Variants in PIEZO1 observed in about 807,000 individuals in gnomAD.
PIEZO1 encodes piezo-type mechanosensitive ion channel component 1.
A neutral mutation model predicts 297.2 loss-of-function variants in PIEZO1; 296 were observed. The ratio of observed to expected loss-of-function variants is 1.00; its 90% confidence interval spans 0.91 to 1.10. The LOEUF (loss-of-function observed/expected upper bound fraction) is 1.10. Ranked by LOEUF, PIEZO1 falls within the 50% of genes least tolerant of loss-of-function variation. PIEZO1 has a pLI of 0.00. For missense variants in PIEZO1, 5,018 were observed against 3,455.5 expected (o/e 1.45, Z -11.34); for synonymous variants, 2,427 against 1,507.5 (o/e 1.61, Z -14.13).
chr16:88,740,559 T>C (rs1016582097), intron 5 of PIEZO1: 5 of 152,384 alleles, frequency 3.3e-5, no homozygotes, highest in African/African-American at 1.2e-4. Flanking sequence ...CGTTCCCACT[T>C]CTGAAATGCG....
intron 2 of PIEZO1, chr16:88,743,634 G>C (rs1314491887): frequency 2.2e-6 from 1 of 456,598 alleles, no homozygotes; most frequent in East Asian, 7.0e-5. Flanking sequence ...CTCGGGATTG[G>C]CCTTGGACAC....
intron 1 of PIEZO1, among the ~76,000 whole-genome samples, chr16:88,783,153 G>T (rs922456484): frequency 1.3e-5 from 2 of 152,140 alleles, no homozygotes; most frequent in African/African-American, 4.8e-5. Flanking sequence ...GAGGCCAAAA[G>T]CAAGAAGAAC....
At position 88,722,886 on chromosome 16, in the gene PIEZO1, C is replaced by T. The variant is rs1904291892; in HGVS notation, c.4619G>A (p.Ser1540Asn). 6.5e-7 allele frequency: 1 copy of T among 1,548,984 alleles called. No individual in the cohort carries two copies. Among genetic ancestry groups the T allele is most frequent in the Non-Finnish European group, 8.7e-7 (1 of 1,146,812 alleles). The stretch of plus-strand genomic sequence containing the variant: ...GTAGCGCTCTGCCCGCAGCACGTCG[C>T]TCATGGTGCCGTGGTGCCGGGTGAA... ...QEFTRHHGTM[S>N]DVLRAERYLL... Residue 1540 changes from serine (S) to asparagine (N), a missense_variant, in exon 34 of 51, where the codon AGC becomes AAC. Transcript: ENST00000301015.
At chr16:88,726,495 A>G (rs772043164) in intron 26 of PIEZO1, 40 bp from the exon 27 acceptor site, 348 of 1,547,382 alleles carry the variant, frequency 2.2e-4, no homozygotes, top group Non-Finnish European at 2.9e-4. Context: ...CCCAGGGCCC[A>G]GGAGCAGGGG....
rs564248341 is a variant in PIEZO1 at position 88,722,645 on chromosome 16, G to A, written c.4713C>T (p.Ser1571=). ...HRGVLDQLYT[S]QAEATLPGPT... ...GGCCTGGCAGCGTGGCCTCGGCCTG[G>A]CTTGTGTACAGCTGATCCAGCACGC... Residue 1571 remains serine (S), a synonymous_variant, in exon 35 of 51, where the codon AGC becomes AGT. Transcript: ENST00000301015. 251 of 1,538,628 alleles carry A rather than the reference G, an allele frequency of 1.6e-4. No homozygotes were observed. Among genetic ancestry groups the A allele is most frequent in the Non-Finnish European group, 2.1e-4 (244 of 1,146,316 alleles).
intron 10 of PIEZO1, 41 bp downstream of exon 10, chr16:88,737,517 GC>G (rs66881450): frequency 7.3e-6 from 10 of 1,361,876 alleles, no homozygotes; most frequent in Middle Eastern, 2.5e-4. Flanking sequence ...CCTCCGCCCC[GC>G]CCCCCGCACC....
At chr16:88,778,631 G>C (rs989191050) in intron 1 of PIEZO1, among the ~76,000 whole-genome samples, 2 of 152,200 alleles carry the variant, frequency 1.3e-5, no homozygotes, top group African/African-American at 4.8e-5. Context: ...GCCGGCACCC[G>C]GGACGGTCAG....
At position 88,756,744 on chromosome 16, in the gene PIEZO1, G is replaced by T. The variant is rs146445142; in HGVS notation, c.65-7265C>A. ...GATTATGTCACTGCACTCCAGCCTG[G>T]GCAATAGAGCAAGATTCCGTCTCAA... On this transcript the variant is annotated intron_variant, in intron 1 of 50. Transcript: ENST00000301015. Among the ~76,000 whole-genome samples, 369 of 151,438 alleles carry T rather than the reference G, an allele frequency of 2.4e-3. 3 individuals are homozygous for T. In the Middle Eastern group the frequency reaches 0.034, roughly 14 times the overall value.
At chr16:88,755,665 T>C (rs1156287667) in intron 1 of PIEZO1, among the ~76,000 whole-genome samples, 1 of 152,214 alleles carries the variant, frequency 6.6e-6, no homozygotes, top group African/African-American at 2.4e-5. Context: ...TGGGGGTTGC[T>C]TTGCTTATAC....
chr16:88,723,865 C>T lies in PIEZO1; in HGVS notation c.4335+6G>A, dbSNP rs1478838807. On this transcript the variant is annotated splice_donor_region_variant and intron_variant, in intron 31 of 50. Coordinates refer to ENST00000301015, the MANE Select transcript of PIEZO1 (RefSeq NM_001142864.4). ...GAGTGGGGCCGACGGGGCTCTCCCA[C>T]CTCACCTGGAAGGCACTCTGTGCCG... The T allele has an allele frequency of 3.4e-6, 5 of 1,484,618 alleles. No homozygotes were observed. In the Admixed American group the frequency reaches 7.9e-5, roughly 23 times the overall value. 92.0% of individuals were successfully genotyped at this position (1,484,618 alleles called of 1,614,324 possible). A position where few individuals can be genotyped will look rare whatever the true frequency, so the allele number is the denominator to read the frequency against.
intron 19 of PIEZO1, chr16:88,733,069 G>C: frequency 5.0e-6 from 3 of 597,268 alleles, no homozygotes; most frequent in South Asian, 2.1e-5. Flanking sequence ...GCCCCTACTG[G>C]ACACCCTTGT....
rs1273292626 is a variant in PIEZO1, at chr16:88,723,143, G to A, written c.4447C>T (p.Pro1483Ser). 7.1e-6 allele frequency: 11 copies of A among 1,549,022 alleles called. No homozygotes were observed. Among genetic ancestry groups the A allele is most frequent in the African/African-American group, 4.1e-5 (3 of 73,020 alleles). ...QAGQLPTGGG[P>S]SQEVEPAEGP... ...TCTGCTGGCTCCACCTCCTGGCTGGGACCACCTCCTGGGCACAGGATGCTG... is the reference window on the plus strand; with the variant it reads ...TCTGCTGGCTCCACCTCCTGGCTGGAACCACCTCCTGGGCACAGGATGCTG... The change falls in exon 33 of 51, where the codon CCC (proline) becomes TCC (serine). Residue 1483 changes from proline (P) to serine (S), a missense_variant. Coordinates refer to ENST00000301015, the MANE Select transcript of PIEZO1 (RefSeq NM_001142864.4).
intron 47 of PIEZO1, 22 bp from the exon 48 acceptor site, chr16:88,716,505 G>A (rs1912044575): frequency 3.2e-6 from 5 of 1,541,022 alleles, no homozygotes; most frequent in Non-Finnish European, 4.4e-6. Flanking sequence ...AACACAGCGT[G>A]ACCCACTGTA....
In PIEZO1 at chr16:88,732,443, C is replaced by T; in HGVS notation, c.2883G>A (p.Leu961=). 4.5e-6 allele frequency: 7 copies of T among 1,549,644 alleles called. No individual in the cohort carries two copies. The highest frequency in any genetic ancestry group is 2.4e-5 in the East Asian group (1 of 40,920). The change falls in exon 21 of 51, where the codon CTG becomes CTA. Residue 961 remains leucine (L), a synonymous_variant. Coordinates refer to ENST00000301015, the MANE Select transcript of PIEZO1 (RefSeq NM_001142864.4). The part of the protein sequence containing the change: ...HYRRQHQLAP[L]PAQAVFASGT... ...CGCTGGCAAACACGGCCTGGGCAGG[C>T]AGCGGGGCCAGCTGGTGCTGCCGGC...
rs1904356820 is a variant in PIEZO1 at position 88,725,499 on chromosome 16, T to C, written c.4079A>G (p.Lys1360Arg). The change falls in exon 29 of 51, where the codon AAG becomes AGG. Residue 1360 changes from lysine to arginine, a missense_variant. Transcript: ENST00000301015. ...CCGGCCCTGCCTGTGCTTCTCCTGC[T>C]TGGCACGGATACGCTCCATCCTGTG... ...LKRQMERIRA[K>R]QEKHRQGRVD... 1.3e-6 allele frequency: 2 copies of C among 1,529,814 alleles called. No homozygotes were observed. Among genetic ancestry groups the C allele is most frequent in the Non-Finnish European group, 1.8e-6 (2 of 1,134,702 alleles). 94.8% of individuals were successfully genotyped at this position (1,529,814 alleles called of 1,614,324 possible).
chr16:88,718,746 T>A (rs1298365115), intron 44 of PIEZO1: 2 of 152,444 alleles, frequency 1.3e-5, no homozygotes, highest in African/African-American at 4.8e-5. Context: ...TCTCACTCTG[T>A]TGCCCAAGCT....
intron 1 of PIEZO1, among the ~76,000 whole-genome samples, chr16:88,767,209 A>G (rs1907218961): frequency 6.6e-6 from 1 of 152,132 alleles, no homozygotes. Flanking sequence ...GTCTCGGGAC[A>G]TCCTTACGGG....
At position 88,720,698 on chromosome 16, in the gene PIEZO1, TG is replaced by T. The variant is rs1912376768; in HGVS notation, c.5718del (p.Thr1907ArgfsTer14). 1.4e-5 allele frequency: 21 copies of T among 1,537,080 alleles called. No homozygotes were observed. The highest frequency in any genetic ancestry group is 1.8e-5 in the Non-Finnish European group (20 of 1,141,604). ...CGGCTTGGCCTCTTCTCTCTCCCCG[TG>T]GGGGCCTCTTTCTCTTCCTCCCCCT... ...EEEGEEEKEA[P>X]TGREKRPSRS... is the part of the protein sequence containing the mutation. On this transcript the variant is annotated frameshift_variant, in exon 40 of 51. Transcript: ENST00000301015. LOFTEE classifies it high-confidence loss of function.
At position 88,721,437 on chromosome 16, in the gene PIEZO1, G is replaced by C; in HGVS notation, c.5404-7C>G. On this transcript the variant is annotated splice_polypyrimidine_tract_variant and splice_region_variant and intron_variant, in intron 38 of 50. Coordinates refer to ENST00000301015, the MANE Select transcript of PIEZO1 (RefSeq NM_001142864.4). ...GGTCCCAGAGGCCATAGCACTGAGG[G>C]GCGGGAGGGTGTGGTGAGGGGGCCT... is the stretch of plus-strand genomic sequence containing the variant. 1 of 1,544,394 alleles carries C rather than the reference G, an allele frequency of 6.5e-7. No homozygotes were observed. The highest frequency in any genetic ancestry group is 2.0e-5 in the Admixed American group (1 of 50,752).
Sources: allele counts gnomAD v4.1 joint callset (sites outside exome capture counted in the v4.1 genomes callset), GRCh38; gene constraint gnomAD v4.1.1; transcripts MANE v1.5; gene names NCBI Gene and HGNC (gene_info 2026-07-23, HGNC 2026-07-21).